Variants in CFAP70 observed in about 807,000 individuals in gnomAD.
CFAP70 encodes the protein cilia and flagella associated protein 70, also known as cilia- and flagella-associated protein 70.
CFAP70 carries 81 observed loss-of-function variants against 137.6 expected under a neutral mutation model. The ratio of observed to expected loss-of-function variants is 0.59; its 90% CI spans 0.49 to 0.71. The LOEUF (loss-of-function observed/expected upper bound fraction) is 0.71. Ranked by LOEUF, CFAP70 falls within the 30% of genes least tolerant of loss-of-function variation. The probability of loss-of-function intolerance (pLI) is 0.00; values close to 1 mark genes in which losing one functional copy is unlikely to be tolerated. For synonymous variants in CFAP70, 382 were observed against 423.6 expected, an observed-to-expected ratio of 0.90 and a Z score of 1.20; for missense variants, 976 against 1,226.7, an observed-to-expected ratio of 0.80 and a Z score of 3.05.
At position 73,275,608 on chromosome 10, in the gene CFAP70, T is replaced by C. The variant is rs760012299; in HGVS notation, c.2521-10A>G. On this transcript the variant is annotated splice_polypyrimidine_tract_variant and intron_variant, in intron 21 of 26. Transcript: ENST00000310715. The surrounding 1 kb of genome is among the most constrained non-coding windows in gnomAD (Gnocchi z 4.0). Reference sequence around the variant, plus strand: ...GCACTCTGTGCACATACTGCAAGGATAATCAGATTATAAGCAACATATAAA... The same window carrying C: ...GCACTCTGTGCACATACTGCAAGGACAATCAGATTATAAGCAACATATAAA... The C allele has an allele frequency of 7.1e-6, 11 of 1,543,972 alleles. No individual in the cohort carries two copies. In the African/African-American group the frequency reaches 1.3e-4, roughly 18 times the overall value.
At chr10:73,310,410 A>G in intron 11 of CFAP70, 161 bp from the exon 13 acceptor site, 1 of 448,170 alleles carries the variant, frequency 2.2e-6, no homozygotes. Flanking sequence ...ACATAGAAAA[A>G]TAACTGGAAA....
chr10:73,331,559 T>C (rs988446320), intron 7 of CFAP70, among the ~76,000 whole-genome samples: 1 of 152,036 alleles, frequency 6.6e-6, no homozygotes, highest in African/African-American at 2.4e-5. Context: ...TGAATACCTG[T>C]GGTCCCAGCT....
At chr10:73,267,691 C>G (rs2045900715) in intron 25 of CFAP70, among the ~76,000 whole-genome samples, 3 of 152,168 alleles carry the variant, frequency 2.0e-5, no homozygotes, top group African/African-American at 7.2e-5. Context: ...AGATCAGAAG[C>G]CTGACATTAT....
chr10:73,345,205 A>G, intron 4 of CFAP70: 1 of 1,614,184 alleles, frequency 6.2e-7, no homozygotes, highest in Non-Finnish European at 8.5e-7. Context: ...GTGGTCAGTA[A>G]AGGCTCTGCC....
intron 12 of CFAP70, among the ~76,000 whole-genome samples, chr10:73,301,432 T>C (rs1177872226): frequency 6.6e-6 from 1 of 152,192 alleles, no homozygotes; most frequent in Non-Finnish European, 1.5e-5. Flanking sequence ...AAATATTATT[T>C]GGTAATAAAG....
intron 19 of CFAP70, among the ~76,000 whole-genome samples, chr10:73,282,345 T>C (rs377256480): frequency 3.9e-5 from 6 of 151,958 alleles, no homozygotes; most frequent in African/African-American, 1.2e-4. Flanking sequence ...GAGAAAGGAA[T>C]GAACATCACA....
rs2053666651 is a variant in CFAP70, at chr10:73,345,975, C to A, written c.350-861G>T. Among the ~76,000 whole-genome samples the A allele has an allele frequency of 4.0e-5, 6 of 151,530 alleles. No homozygotes were observed. In the South Asian group the frequency reaches 1.3e-3, roughly 32 times the overall value. On this transcript the variant is annotated intron_variant, in intron 4 of 26. Coordinates refer to ENST00000310715, the Ensembl canonical transcript of CFAP70. ...TGTGTAGTGGCATGATCTCGGCTCACTGCAACCCCGCCTCCTGGGTTCAAG... is the reference window on the plus strand; with the variant it reads ...TGTGTAGTGGCATGATCTCGGCTCAATGCAACCCCGCCTCCTGGGTTCAAG...
intron 19 of CFAP70, among the ~76,000 whole-genome samples, chr10:73,279,951 C>A (rs2047140172): frequency 6.6e-6 from 1 of 151,968 alleles, no homozygotes; most frequent in Non-Finnish European, 1.5e-5. Context: ...AAAAACTTAC[C>A]AGTTTTCTCA....
chr10:73,343,397 C>T (rs2053443603), intron 5 of CFAP70, among the ~76,000 whole-genome samples: 1 of 151,850 alleles, frequency 6.6e-6, no homozygotes, highest in Non-Finnish European at 1.5e-5. Flanking sequence ...GAAGCTGGAA[C>T]TAAGACTACT....
chr10:73,298,816 G>C, intron 14 of CFAP70, 91 bp downstream of exon 15: 1 of 1,201,692 alleles, frequency 8.3e-7, no homozygotes, highest in Non-Finnish European at 1.2e-6. Flanking sequence ...GAGTATAGCT[G>C]AACATAATCA....
At chr10:73,347,360 T>A (rs1016993413) in intron 4 of CFAP70, among the ~76,000 whole-genome samples, 1 of 152,030 alleles carries the variant, frequency 6.6e-6, no homozygotes, top group Admixed American at 6.6e-5. Flanking sequence ...GAGGTAAAGG[T>A]AGGTACGAGG....
At chr10:73,296,584 G>C (rs1041941227) in intron 15 of CFAP70, 1 of 152,828 alleles carries the variant, frequency 6.5e-6, no homozygotes, top group Non-Finnish European at 1.5e-5. Flanking sequence ...AGAAAAGTGG[G>C]TGGGACAGCA....
intron 8 of CFAP70, among the ~76,000 whole-genome samples, chr10:73,330,134 T>G (rs2051924297): frequency 6.6e-6 from 1 of 152,178 alleles, no homozygotes; most frequent in South Asian, 2.1e-4. Flanking sequence ...TCTATTATAA[T>G]AATAATTGGC....
chr10:73,255,266 G>A (rs911843008), intron 26 of CFAP70, among the ~76,000 whole-genome samples: 1 of 152,118 alleles, frequency 6.6e-6, no homozygotes, highest in African/African-American at 2.4e-5. Flanking sequence ...GGCAGTGGCG[G>A]GCGGCTGTAG....
Position 73,275,346 on chromosome 10 carries a change from C to A in CFAP70, c.2673+100G>T, listed in dbSNP as rs1434418572. ...AGATGAGTTTACTGACAGCTGATGA[C>A]CACCCTTCTGTTCACCAGAAATCTA... On this transcript the variant is annotated intron_variant, in intron 22 of 26. Coordinates refer to ENST00000310715, the Ensembl canonical transcript of CFAP70. This position sits in a 1 kb window ranked among gnomAD's most constrained non-coding sequence, Gnocchi z 4.0. 7.4e-7 allele frequency: 1 copy of A among 1,354,420 alleles called. No individual in the cohort carries two copies. The allele number at this position is 1,354,420 out of a possible 1,614,324, so 83.9% of individuals were successfully genotyped here.
intron 7 of CFAP70, among the ~76,000 whole-genome samples, chr10:73,335,089 G>T (rs1275595826): frequency 7.5e-6 from 1 of 134,136 alleles, no homozygotes; most frequent in African/African-American, 2.9e-5. Context: ...TTGTGAGCCA[G>T]GGTCTTACTT....
chr10:73,353,738 C>A, exon 3 of CFAP70: 1 of 1,613,744 alleles, frequency 6.2e-7, no homozygotes. Flanking sequence ...TCCTTTAAAA[C>A]CTTTCTGTTG....
intron 9 of CFAP70, among the ~76,000 whole-genome samples, chr10:73,321,978 T>A (rs915754480): frequency 6.6e-6 from 1 of 152,140 alleles, no homozygotes; most frequent in Non-Finnish European, 1.5e-5. Context: ...GAGACGGGTT[T>A]TTGCCATGTT....
At chr10:73,277,413 T>C (rs1355347915) in intron 20 of CFAP70, 52 bp from the exon 22 acceptor site, 3 of 1,591,560 alleles carry the variant, frequency 1.9e-6, no homozygotes, top group Non-Finnish European at 2.6e-6. Context: ...AGAAAAAGTG[T>C]CAGAAATTCA....
Sources: allele counts gnomAD v4.1 joint callset (sites outside exome capture counted in the v4.1 genomes callset), GRCh38; gene constraint gnomAD v4.1.1; non-coding constraint Gnocchi (gnomAD v3.1); transcripts MANE v1.5; gene names NCBI Gene and HGNC (gene_info 2026-07-23, HGNC 2026-07-21).